Variants in UBR1 observed in about 807,000 individuals in gnomAD.
UBR1 encodes the protein E3 ubiquitin-protein ligase UBR1.
In UBR1, 102 loss-of-function variants were observed where a neutral mutation model predicts 242.1. The ratio of observed to expected loss-of-function variants is 0.42; its 90% CI spans 0.36 to 0.50. The LOEUF (loss-of-function observed/expected upper bound fraction) is 0.50. Ranked by LOEUF, UBR1 falls within the 20% of genes least tolerant of loss-of-function variation. The pLI is 0.01. For synonymous variants in UBR1, 675 were observed against 684.8 expected (o/e 0.99, Z 0.22); for missense variants, 1,772 against 2,101.8 (o/e 0.84, Z 3.07).
intron 5 of UBR1, among the ~76,000 whole-genome samples, chr15:43,069,806 G>A (rs1446922949): frequency 6.6e-6 from 1 of 152,170 alleles, no homozygotes; most frequent in African/African-American, 2.4e-5. Context: ...TGACACTCAA[G>A]CAATCCTCGT....
chr15:42,984,101 C>A, intron 36 of UBR1, 108 bp from the exon 37 acceptor site: 1 of 713,188 alleles, frequency 1.4e-6, no homozygotes, highest in Non-Finnish European at 2.4e-6. Flanking sequence ...GAATTAGCTG[C>A]AGACTCATTA....
rs140618861 is a variant in UBR1 at position 42,952,194 on chromosome 15, C to T, written c.5006+84G>A. ...CTTCTGATTGATTATTTGCTATCAA[C>T]ACACTGTCCCACCATAGTGACCCCC... On this transcript the variant is annotated intron_variant, in intron 45 of 46. Coordinates refer to ENST00000290650, the MANE Select transcript of UBR1 (RefSeq NM_174916.3). 4.6e-6 allele frequency: 7 copies of T among 1,534,498 alleles called. No homozygotes were observed. The East Asian group carries it at 1.1e-4, about 25-fold the overall frequency.
At chr15:42,975,312 T>G (rs2032271068) in intron 39 of UBR1, among the ~76,000 whole-genome samples, 1 of 152,258 alleles carries the variant, frequency 6.6e-6, no homozygotes, top group African/African-American at 2.4e-5. Context: ...CTTTTTTAAC[T>G]TATTGCATCA....
In UBR1 at chr15:43,106,034, CTG is replaced by C. The variant is rs1437218357; in HGVS notation, c.-14_-13del. 2.5e-6 allele frequency: 4 copies of C among 1,607,274 alleles called. No homozygotes were observed. In the East Asian group the frequency reaches 9.0e-5, roughly 36 times the overall value. ...TCCTCGTCCGCCATCTTGAGGGAAA[CTG>C]ACGCCTGCAGTTGCCGACCCCCGGC... On this transcript the variant is annotated 5_prime_UTR_variant, in exon 1 of 47. Transcript: ENST00000290650.
chr15:43,020,549 T>C (rs2033096645), intron 27 of UBR1, among the ~76,000 whole-genome samples: 1 of 152,208 alleles, frequency 6.6e-6, no homozygotes, highest in Admixed American at 6.5e-5. Flanking sequence ...CCATAATCCA[T>C]TTACTCCACA....
chr15:43,018,155 A>G (rs1319264385), intron 27 of UBR1, among the ~76,000 whole-genome samples: 6 of 151,636 alleles, frequency 4.0e-5, no homozygotes, highest in Non-Finnish European at 7.4e-5. Flanking sequence ...GGTGCCCGCC[A>G]TAACGCCCGG....
intron 21 of UBR1, among the ~76,000 whole-genome samples, chr15:43,028,468 C>T (rs150652984): frequency 1.3e-5 from 2 of 151,966 alleles, no homozygotes; most frequent in South Asian, 2.1e-4. Flanking sequence ...TATATTTGGC[C>T]GGGCACAGTG....
chr15:42,969,399 G>A (rs1033451754), intron 40 of UBR1, among the ~76,000 whole-genome samples: 4 of 151,668 alleles, frequency 2.6e-5, no homozygotes, highest in African/African-American at 9.7e-5. Context: ...TAAGTTCTTT[G>A]TAGATTCTGG....
chr15:43,094,507 ATTTCTT>A (rs1288620773), intron 1 of UBR1, among the ~76,000 whole-genome samples: 1 of 150,866 alleles, frequency 6.6e-6, no homozygotes, highest in Non-Finnish European at 1.5e-5. Flanking sequence ...ATTTTTTTCT[ATTTCTT>A]TTTCTTTTTT....
chr15:42,950,140 C>A, intron 46 of UBR1, 122 bp downstream of exon 46: 1 of 959,066 alleles, frequency 1.0e-6, no homozygotes, highest in East Asian at 2.5e-5. Flanking sequence ...TGTCTGGCCT[C>A]AATTACCTTT....
intron 39 of UBR1, among the ~76,000 whole-genome samples, chr15:42,971,406 T>C (rs1008590961): frequency 6.6e-6 from 1 of 152,226 alleles, no homozygotes; most frequent in Admixed American, 6.5e-5. Context: ...ATTAAGGCTC[T>C]GGATAAGCTA....
chr15:43,083,418 TG>T (rs1313445009), intron 2 of UBR1, among the ~76,000 whole-genome samples: 1 of 152,196 alleles, frequency 6.6e-6, no homozygotes, highest in Non-Finnish European at 1.5e-5. Context: ...TCACCCAGGA[TG>T]GAACGCAGTG....
chr15:43,079,232 G>A (rs191588970), intron 3 of UBR1, among the ~76,000 whole-genome samples: 2 of 152,146 alleles, frequency 1.3e-5, no homozygotes, highest in African/African-American at 4.8e-5. Flanking sequence ...TTGGGAGGCC[G>A]AGGCAGGAGG....
At position 43,086,056 on chromosome 15, in the gene UBR1, T is replaced by G. The variant is rs1398567348; in HGVS notation, c.266A>C (p.Lys89Thr). 6 of 1,614,024 alleles carry G rather than the reference T, an allele frequency of 3.7e-6. No individual in the cohort carries two copies. In the South Asian group the frequency reaches 6.6e-5, roughly 18 times the overall value. The part of the protein sequence containing the change: ...FGEDPDICLE[K>T]LKHSGAFQLC... The stretch of plus-strand genomic sequence containing the variant: ...CTGAAATGCTCCACTGTGCTTCAAT[T>G]TCTCTAAGCAAATATCTGGATCTTC... Residue 89 changes from lysine (K) to threonine (T), a missense_variant, in exon 2 of 47, where the codon AAA becomes ACA. Physicochemically the swap from Lys to Thr is moderately conservative, Grantham distance 78. Coordinates refer to ENST00000290650, the MANE Select transcript of UBR1 (RefSeq NM_174916.3).
intron 32 of UBR1, among the ~76,000 whole-genome samples, chr15:43,001,646 T>C (rs1009908904): frequency 3.3e-5 from 5 of 152,192 alleles, no homozygotes; most frequent in African/African-American, 1.2e-4. Context: ...AGTGAGAATA[T>C]AGAAATATAT....
At chr15:43,001,097 G>C (rs1207007340) in intron 32 of UBR1, among the ~76,000 whole-genome samples, 2 of 151,660 alleles carry the variant, frequency 1.3e-5, no homozygotes, top group Non-Finnish European at 2.9e-5. Flanking sequence ...GCCTCTCAAA[G>C]TGCTGGGATT....
chr15:43,013,125 G>A lies in UBR1; in HGVS notation c.3209+2563C>T, dbSNP rs550580077. ...TTTGCCTGTTGGCCAGGCTGGTCTC[G>A]AACTCCTGACCTCAGATGATCCACC... On this transcript the variant is annotated intron_variant, in intron 29 of 46. Coordinates refer to ENST00000290650, the MANE Select transcript of UBR1 (RefSeq NM_174916.3). Among the ~76,000 whole-genome samples, 3 of 152,206 alleles carry A rather than the reference G, an allele frequency of 2.0e-5. No individual in the cohort carries two copies. The South Asian group carries it at 6.2e-4, about 32-fold the overall frequency.
At chr15:42,971,868 T>C (rs1471566636) in intron 39 of UBR1, among the ~76,000 whole-genome samples, 3 of 152,226 alleles carry the variant, frequency 2.0e-5, no homozygotes, top group Admixed American at 6.5e-5. Flanking sequence ...ATACACTTTA[T>C]TTTTTAAGAG....
chr15:43,006,869 G>T (rs2032839417), intron 30 of UBR1, among the ~76,000 whole-genome samples: 1 of 152,064 alleles, frequency 6.6e-6, no homozygotes, highest in South Asian at 2.1e-4. Context: ...GAAAAAAAAA[G>T]TCTAGGAATT....
Sources: allele counts gnomAD v4.1 joint callset (sites outside exome capture counted in the v4.1 genomes callset), GRCh38; gene constraint gnomAD v4.1.1; transcripts MANE v1.5; gene names NCBI Gene and HGNC (gene_info 2026-07-23, HGNC 2026-07-21).